Variants in EPS8 observed in about 807,000 individuals in gnomAD.
EPS8 encodes epidermal growth factor receptor kinase substrate 8.
A neutral mutation model predicts 103.8 loss-of-function variants in EPS8; 42 were observed. The ratio of observed to expected loss-of-function variants is 0.40; its 90% CI spans 0.32 to 0.52. The LOEUF is 0.52. Among genes scored for constraint, EPS8 ranks in the 20% least tolerant of loss-of-function variants. EPS8 has a pLI of 0.40. For missense variants in EPS8, 969 were observed against 1,005.1 expected (o/e 0.96, Z 0.49); for synonymous variants, 344 against 344.6 (o/e 1.00, Z 0.02).
chr12:15,698,924 T>G lies in EPS8; in HGVS notation c.-21-15952A>C, dbSNP rs867062312. Reference sequence around the variant, plus strand: ...TATGTCAAGAATGAAAATCAAAGATTCCAACTAATCAAGGCCCAGATGCTT... The same window carrying G: ...TATGTCAAGAATGAAAATCAAAGATGCCAACTAATCAAGGCCCAGATGCTT... On this transcript the variant is annotated intron_variant, in intron 1 of 20. Coordinates refer to ENST00000281172, the MANE Select transcript of EPS8 (RefSeq NM_004447.6). The surrounding 1 kb of genome is among the most constrained non-coding windows in gnomAD (Gnocchi z 4.9). 6.6e-6 allele frequency among the ~76,000 whole-genome samples: 1 copy of G among 152,148 alleles called. No homozygotes were observed. The highest frequency in any genetic ancestry group is 2.4e-5 in the African/African-American group (1 of 41,440).
chr12:15,646,039 A>G (rs1026505487), intron 15 of EPS8, among the ~76,000 whole-genome samples: 5 of 152,238 alleles, frequency 3.3e-5, no homozygotes, highest in Non-Finnish European at 7.4e-5. Context: ...AAGGATTTCA[A>G]TGAAATAATG....
intron 4 of EPS8, among the ~76,000 whole-genome samples, chr12:15,670,209 C>A (rs1197639216): frequency 6.6e-6 from 1 of 152,104 alleles, no homozygotes; most frequent in African/African-American, 2.4e-5. Flanking sequence ...AGCAGGCTAT[C>A]TGTATGGGAG....
rs776671167 is a variant in EPS8 at position 15,658,557 on chromosome 12, A to T, written c.966T>A (p.Pro322=). 1 of 1,613,270 alleles carries T rather than the reference A, an allele frequency of 6.2e-7. No homozygotes were observed. Among genetic ancestry groups the T allele is most frequent in the South Asian group, 1.1e-5 (1 of 91,016 alleles). ...AGTCAAGAAATTCATCAGGAGGTGG[A>T]GGTTTTGCCCGCAGCGTTAAAACAC... ...GEGVLTLRAK[P]PPPDEFLDCF... Residue 322 remains proline, a synonymous_variant, in exon 11 of 21, where the codon CCT becomes CCA. Coordinates refer to ENST00000281172, the MANE Select transcript of EPS8 (RefSeq NM_004447.6).
intron 1 of EPS8, among the ~76,000 whole-genome samples, chr12:15,687,572 G>A (rs899726262): frequency 6.6e-6 from 1 of 152,056 alleles, no homozygotes; most frequent in South Asian, 2.1e-4. Flanking sequence ...AATGTTGTTT[G>A]GTTAACAAGT....
rs534328701 is a variant in EPS8 at position 15,741,671 on chromosome 12, G to A, written c.-22+47490C>T. Among the ~76,000 whole-genome samples the A allele has an allele frequency of 3.9e-5, 6 of 152,272 alleles. No individual in the cohort carries two copies. The East Asian group carries it at 1.2e-3, about 29-fold the overall frequency. On this transcript the variant is annotated intron_variant, in intron 1 of 20. Transcript: ENST00000281172. ...GGAAACTATTAGCTACTCCAGCTTA[G>A]ATTAATCAAACTGTTGCCTTTGCAA... is the stretch of plus-strand genomic sequence containing the variant.
chr12:15,751,763 T>G lies in EPS8; in HGVS notation c.-22+37398A>C, dbSNP rs931377273. On this transcript the variant is annotated intron_variant, in intron 1 of 20. Transcript: ENST00000281172. This position sits in a 1 kb window ranked among gnomAD's most constrained non-coding sequence, Gnocchi z 4.3. ...CCTCCTCTATACTTTCCCTCCTCCT[T>G]AGTATCCTTCTTACCATACTCTACT... is the stretch of plus-strand genomic sequence containing the variant. Among the ~76,000 whole-genome samples the G allele has an allele frequency of 1.3e-5, 2 of 152,078 alleles. No individual in the cohort carries two copies. Among genetic ancestry groups the G allele is most frequent in the African/African-American group, 4.8e-5 (2 of 41,392 alleles).
At position 15,654,259 on chromosome 12, in the gene EPS8, C is replaced by T. The variant is rs779262527; in HGVS notation, c.1136G>A (p.Ser379Asn). ...VQATGGPELA[S>N]SVLSPLLNKD... is the part of the protein sequence containing the mutation. ...ATTCAATAGGGGACTAAGTACTGAACTGGCTAGTTCAGGACCTCCTGTTGC... is the reference window on the plus strand; with the variant it reads ...ATTCAATAGGGGACTAAGTACTGAATTGGCTAGTTCAGGACCTCCTGTTGC... Residue 379 changes from serine (S) to asparagine (N), a missense_variant, in exon 13 of 21, where the codon AGT (serine) becomes AAT (asparagine). Physicochemically the swap from Ser to Asn is conservative, Grantham distance 46 (BLOSUM62 1). Coordinates refer to ENST00000281172, the MANE Select transcript of EPS8 (RefSeq NM_004447.6). The T allele has an allele frequency of 1.2e-6, 2 of 1,613,490 alleles. No individual in the cohort carries two copies. Among genetic ancestry groups the T allele is most frequent in the African/African-American group, 2.7e-5 (2 of 74,878 alleles).
At chr12:15,676,590 A>G (rs1945912733) in intron 3 of EPS8, among the ~76,000 whole-genome samples, 1 of 152,208 alleles carries the variant, frequency 6.6e-6, no homozygotes, top group South Asian at 2.1e-4. Flanking sequence ...AGCGAAGGGA[A>G]TATTTAATAT....
rs531306298 is a variant in EPS8 at position 15,735,508 on chromosome 12, C to T, written c.-21-52536G>A. On this transcript the variant is annotated intron_variant, in intron 1 of 20. Coordinates refer to ENST00000281172, the MANE Select transcript of EPS8 (RefSeq NM_004447.6). The surrounding 1 kb of genome is among the most constrained non-coding windows in gnomAD (Gnocchi z 4.4). ...AGGAAGTACTGAAAAAGCTAACATT[C>T]TAAGATTAAAACTATGATTTGAATC... Among the ~76,000 whole-genome samples the T allele has an allele frequency of 6.6e-6, 1 of 152,252 alleles. No homozygotes were observed. The highest frequency in any genetic ancestry group is 1.9e-4 in the East Asian group (1 of 5,172).
rs116887426 is a variant in EPS8, at chr12:15,709,488, T to C, written c.-21-26516A>G. 1.3e-3 allele frequency among the ~76,000 whole-genome samples: 200 copies of C among 152,270 alleles called. 7 individuals carry two copies. The East Asian group carries it at 0.034, about 26-fold the overall frequency. On this transcript the variant is annotated intron_variant, in intron 1 of 20. Coordinates refer to ENST00000281172, the MANE Select transcript of EPS8 (RefSeq NM_004447.6). ...ATAAAGAAGAAGCTTAAGCCATACA[T>C]TAAGATACACGACTCAAAAGATAAG...
intron 13 of EPS8, 141 bp downstream of exon 13, chr12:15,654,004 A>G (rs543158532): frequency 2.4e-4 from 172 of 723,706 alleles, no homozygotes; most frequent in Middle Eastern, 1.7e-3. Flanking sequence ...CTTCCACTAG[A>G]CTTCTAGCCT....
At chr12:15,669,928 A>G (rs941304957) in intron 4 of EPS8, 103 bp from the exon 5 acceptor site, 3 of 799,412 alleles carry the variant, frequency 3.8e-6, no homozygotes, top group African/African-American at 3.5e-5. Context: ...GAGGTCAGCT[A>G]GCAGAGAACG....
At position 15,787,231 on chromosome 12, in the gene EPS8, G is replaced by A. The variant is rs1364110726; in HGVS notation, c.-22+1930C>T. ...AGAGAGAAGAATAAAAAGCAGTAGG[G>A]TAAAGGGTGTGAAACAGAGTGTAAG... On this transcript the variant is annotated intron_variant, in intron 1 of 20. Transcript: ENST00000281172. This position sits in a 1 kb window ranked among gnomAD's most constrained non-coding sequence, Gnocchi z 4.9. 6.6e-6 allele frequency among the ~76,000 whole-genome samples: 1 copy of A among 152,132 alleles called. No homozygotes were observed. Among genetic ancestry groups the A allele is most frequent in the East Asian group, 1.9e-4 (1 of 5,200 alleles).
intron 11 of EPS8, 30 bp from the exon 12 acceptor site, chr12:15,658,183 T>A (rs1262138161): frequency 2.0e-6 from 3 of 1,492,914 alleles, no homozygotes; most frequent in Admixed American, 1.7e-5. Context: ...GAAAACAGAT[T>A]ACTATCAAGC....
chr12:15,681,204 C>T (rs1248604335), intron 3 of EPS8, 22 bp downstream of exon 3: 3 of 1,308,128 alleles, frequency 2.3e-6, no homozygotes, highest in African/African-American at 3.0e-5. Context: ...AAAATTATAC[C>T]CTATCAAATA....
chr12:15,634,727 A>G, intron 17 of EPS8: 1 of 398,914 alleles, frequency 2.5e-6, no homozygotes, highest in Non-Finnish European at 4.4e-6. Flanking sequence ...TGAGGGAACG[A>G]ATGTGGGTTA....
intron 10 of EPS8, among the ~76,000 whole-genome samples, 162 bp downstream of exon 10, chr12:15,660,452 C>T (rs113069708): frequency 4.6e-5 from 7 of 152,016 alleles, no homozygotes; most frequent in South Asian, 2.1e-4. Context: ...TTAGTAGAGA[C>T]GGGGTTTCAT....
In EPS8 at chr12:15,701,924, A is replaced by G. The variant is rs1272240754; in HGVS notation, c.-21-18952T>C. The stretch of plus-strand genomic sequence containing the variant: ...AGTTCAAACATCTGACTCTTACAAT[A>G]TTTTGCTTTCAGTAGAAAGACATCC... On this transcript the variant is annotated intron_variant, in intron 1 of 20. Transcript: ENST00000281172. The surrounding 1 kb of genome is among the most constrained non-coding windows in gnomAD (Gnocchi z 5.1). 1.3e-5 allele frequency among the ~76,000 whole-genome samples: 2 copies of G among 152,180 alleles called. No individual in the cohort carries two copies. Among genetic ancestry groups the G allele is most frequent in the Non-Finnish European group, 2.9e-5 (2 of 68,032 alleles).
chr12:15,641,846 A>G lies in EPS8; in HGVS notation c.1569-16T>C. On this transcript the variant is annotated splice_polypyrimidine_tract_variant and intron_variant, in intron 15 of 20. Coordinates refer to ENST00000281172, the MANE Select transcript of EPS8 (RefSeq NM_004447.6). ...TTCATAATTTCTATAAAAAGAAAGA[A>G]AAAAGATTATTATTCTGCTAGCTCT... is the stretch of plus-strand genomic sequence containing the variant. 7.2e-7 allele frequency: 1 copy of G among 1,382,788 alleles called. No individual in the cohort carries two copies. Among genetic ancestry groups the G allele is most frequent in the Non-Finnish European group, 1.0e-6 (1 of 992,578 alleles). The allele number at this position is 1,382,788 out of a possible 1,614,324, so 85.7% of individuals were successfully genotyped here.
Sources: gnomAD v4.1 joint callset for allele counts (sites outside exome capture counted in the v4.1 genomes callset) on GRCh38, gnomAD v4.1.1 for gene constraint, Gnocchi (gnomAD v3.1) non-coding constraint, MANE v1.5 for transcripts, NCBI Gene and HGNC (gene_info 2026-07-23, HGNC 2026-07-21) for gene names.